The following ACVR1 variants were observed in gnomAD, a reference collection of about 807,000 sequenced individuals.
The protein encoded by ACVR1 is activin A receptor type 1.
Under a neutral mutation model 57.1 loss-of-function variants are expected in ACVR1, and 38 were observed. The observed-to-expected ratio is 0.67, with a 90% CI of 0.51 to 0.87. The LOEUF is 0.87. Ranked by LOEUF, ACVR1 falls within the 40% of genes least tolerant of loss-of-function variation. The pLI is 0.00. For synonymous variants in ACVR1, 212 were observed against 228.1 expected, an observed-to-expected ratio of 0.93 and a Z score of 0.63; for missense variants, 463 against 638.2, an observed-to-expected ratio of 0.73 and a Z score of 2.96.
At chr2:157,843,241 T>C (rs1352729499) in intron 1 of ACVR1, among the ~76,000 whole-genome samples, 1 of 152,220 alleles carries the variant, frequency 6.6e-6, no homozygotes, top group Non-Finnish European at 1.5e-5. Flanking sequence ...AACTGACATA[T>C]TCAATACTGC....
At chr2:157,796,935 T>A (rs933684930) in intron 3 of ACVR1, among the ~76,000 whole-genome samples, 7 of 152,194 alleles carry the variant, frequency 4.6e-5, no homozygotes, top group Non-Finnish European at 1.0e-4. Context: ...TGGGAATATC[T>A]TTAACAACAC....
chr2:157,762,789 T>C (rs1574033368), intron 8 of ACVR1, among the ~76,000 whole-genome samples: 1 of 152,186 alleles, frequency 6.6e-6, no homozygotes, highest in Non-Finnish European at 1.5e-5. Flanking sequence ...CACCATGTTA[T>C]AAAGACACTC....
intron 2 of ACVR1, among the ~76,000 whole-genome samples, chr2:157,816,907 T>C (rs1254241813): frequency 6.6e-6 from 1 of 152,118 alleles, no homozygotes; most frequent in Non-Finnish European, 1.5e-5. Flanking sequence ...TAGGTATTCA[T>C]ATTACCCCCA....
At chr2:157,813,837 G>A (rs1373223511) in intron 2 of ACVR1, among the ~76,000 whole-genome samples, 1 of 152,148 alleles carries the variant, frequency 6.6e-6, no homozygotes, top group African/African-American at 2.4e-5. Flanking sequence ...AGCATCTAGA[G>A]AAAAATTCAT....
intron 2 of ACVR1, among the ~76,000 whole-genome samples, chr2:157,803,130 A>C (rs1361447753): frequency 1.3e-5 from 2 of 152,176 alleles, no homozygotes; most frequent in Non-Finnish European, 2.9e-5. Context: ...TTAAAAAAAA[A>C]AATCTAAGAA....
Position 157,737,537 on chromosome 2 carries a change from G to A in ACVR1, c.1524C>T (p.Asp508=). Residue 508 remains aspartate (D), a synonymous_variant, in exon 11 of 11, where the codon GAC becomes GAT. Coordinates refer to ENST00000434821, the MANE Select transcript of ACVR1 (RefSeq NM_001111067.4). ...TCTTGACACTATGAAAATGTCAACA[G>A]TCAGTTTTCAATTTGTCGAGGGAAT... ...IDNSLDKLKT[D]C is the part of the protein sequence containing the mutation. 1 of 1,614,042 alleles carries A rather than the reference G, an allele frequency of 6.2e-7. No individual in the cohort carries two copies. The highest frequency in any genetic ancestry group is 1.7e-4 in the Middle Eastern group (1 of 6,060).
intron 1 of ACVR1, chr2:157,875,092 C>T (rs1309080258): frequency 6.6e-6 from 1 of 152,216 alleles, no homozygotes; most frequent in Non-Finnish European, 1.5e-5. Flanking sequence ...TCCAGCGGCC[C>T]CAGAGGCCCA....
At chr2:157,821,829 C>T (rs2105333200) in intron 1 of ACVR1, among the ~76,000 whole-genome samples, 1 of 152,332 alleles carries the variant, frequency 6.6e-6, no homozygotes, top group African/African-American at 2.4e-5. Flanking sequence ...CATTACAGTA[C>T]AGTTTTCTTC....
intron 2 of ACVR1, among the ~76,000 whole-genome samples, chr2:157,817,431 C>T (rs1273732052): frequency 6.6e-6 from 1 of 152,164 alleles, no homozygotes; most frequent in Admixed American, 6.5e-5. Flanking sequence ...ACTGAAACTA[C>T]TCTCTATAAT....
At chr2:157,807,888 T>A (rs1687613616) in intron 2 of ACVR1, among the ~76,000 whole-genome samples, 1 of 133,588 alleles carries the variant, frequency 7.5e-6, no homozygotes, top group Admixed American at 8.6e-5. Context: ...GAAAGGAATG[T>A]CAAGGCCAGA....
At chr2:157,816,701 C>CAAAAGCGTTAA (rs1159265500) in intron 2 of ACVR1, among the ~76,000 whole-genome samples, 1 of 152,160 alleles carries the variant, frequency 6.6e-6, no homozygotes, top group Non-Finnish European at 1.5e-5. Flanking sequence ...AGACTTTCCT[C>CAAAAGCGTTAA]AAAAGCGTTA....
At chr2:157,774,907 A>C (rs1686221487) in intron 5 of ACVR1, among the ~76,000 whole-genome samples, 1 of 152,186 alleles carries the variant, frequency 6.6e-6, no homozygotes, top group Admixed American at 6.5e-5. Context: ...GGGTCCTTTC[A>C]ACTTCAAGAA....
rs1327444321 is a variant in ACVR1, at chr2:157,799,413, T to C, written c.67+14A>G. ...GTATACTTATCTTAACCCAAAAAGA[T>C]GTGAGTCACTTACCTTCCATACTAG... On this transcript the variant is annotated intron_variant, in intron 3 of 10. Coordinates refer to ENST00000434821, the MANE Select transcript of ACVR1 (RefSeq NM_001111067.4). 1.2e-6 allele frequency: 2 copies of C among 1,601,792 alleles called. No individual in the cohort carries two copies. The highest frequency in any genetic ancestry group is 4.5e-5 in the East Asian group (2 of 44,672).
chr2:157,876,254 G>A lies in ACVR1; in HGVS notation c.-641C>T, dbSNP rs1690297183. Among the ~76,000 whole-genome samples the A allele has an allele frequency of 6.7e-6, 1 of 148,900 alleles. No homozygotes were observed. Among genetic ancestry groups the A allele is most frequent in the African/African-American group, 2.5e-5 (1 of 40,516 alleles). The stretch of plus-strand genomic sequence containing the variant: ...GGGCTTGCCCCCGGGGGCGGCGGGG[G>A]AGACCGTCACAGAGAGTAGAAAAGT... On this transcript the variant is annotated 5_prime_UTR_variant, in exon 1 of 11. Coordinates refer to ENST00000434821, the MANE Select transcript of ACVR1 (RefSeq NM_001111067.4).
chr2:157,781,930 G>A (rs1452476294), intron 3 of ACVR1, among the ~76,000 whole-genome samples: 3 of 152,258 alleles, frequency 2.0e-5, no homozygotes, highest in South Asian at 2.1e-4. Context: ...TCAGCTTTCA[G>A]AGCTCCCTCC....
In ACVR1 at chr2:157,778,069, A is replaced by G. The variant is rs539133341; in HGVS notation, c.543+62T>C. On this transcript the variant is annotated intron_variant, in intron 5 of 10. Transcript: ENST00000434821. ...TACTGGTTAGCGTTTCATGCTCGAA[A>G]TAAGAACGTGTCTCCAGACACCTTC... 153 of 1,563,372 alleles carry G rather than the reference A, an allele frequency of 9.8e-5. 1 individual carries two copies. The South Asian group carries it at 1.5e-3, about 15-fold the overall frequency.
At chr2:157,797,899 C>T (rs2105304117) in intron 3 of ACVR1, among the ~76,000 whole-genome samples, 1 of 152,282 alleles carries the variant, frequency 6.6e-6, no homozygotes, top group East Asian at 1.9e-4. Flanking sequence ...AAAGAGATCC[C>T]AGAGGGCTAG....
chr2:157,768,460 C>G (rs928986624), intron 7 of ACVR1, among the ~76,000 whole-genome samples: 6 of 152,082 alleles, frequency 3.9e-5, no homozygotes, highest in African/African-American at 1.4e-4. Flanking sequence ...GATTTCCTCT[C>G]CCAAGAAAAA....
intron 1 of ACVR1, among the ~76,000 whole-genome samples, chr2:157,866,015 T>A (rs1038427773): frequency 9.9e-5 from 15 of 152,136 alleles, no homozygotes; most frequent in Non-Finnish European, 2.9e-5. Context: ...AATCTTGTAT[T>A]GTGCACACAT....
Sources: gnomAD v4.1 joint callset for allele counts (sites outside exome capture counted in the v4.1 genomes callset) on GRCh38, gnomAD v4.1.1 for gene constraint, MANE v1.5 for transcripts, NCBI Gene and HGNC (gene_info 2026-07-23, HGNC 2026-07-21) for gene names.